Variants in KIF26B observed in about 807,000 individuals in gnomAD.
KIF26B encodes the protein kinesin family member 26B, also known as kinesin-like protein KIF26B.
KIF26B carries 63 observed loss-of-function variants against 151.2 expected under a neutral mutation model. The ratio of observed to expected loss-of-function variants is 0.42; its 90% CI spans 0.34 to 0.51. The LOEUF is 0.51. KIF26B is among the 20% of genes least tolerant of loss of function. The pLI, the probability that KIF26B is intolerant of heterozygous loss-of-function variation, is 0.07. For missense variants in KIF26B, 2,813 were observed against 2,913.6 expected (o/e 0.97, Z 0.79); for synonymous variants, 1,357 against 1,262.1 (o/e 1.08, Z -1.59).
chr1:245,469,562 C>T (rs1352582835), intron 4 of KIF26B, among the ~76,000 whole-genome samples: 1 of 152,162 alleles, frequency 6.6e-6, no homozygotes, highest in Non-Finnish European at 1.5e-5. Flanking sequence ...AATCAGTTAT[C>T]CTTCACTCCA....
intron 3 of KIF26B, among the ~76,000 whole-genome samples, chr1:245,382,533 T>TTGTGTGTG (rs71563746): frequency 6.7e-6 from 1 of 150,004 alleles, no homozygotes; most frequent in African/African-American, 2.4e-5. Flanking sequence ...AAGCACAGGT[T>TTGTGTGTG]TGTGTGTGTG....
chr1:245,388,033 G>A (rs551411715), intron 3 of KIF26B, among the ~76,000 whole-genome samples: 3 of 152,248 alleles, frequency 2.0e-5, no homozygotes, highest in East Asian at 3.9e-4. Context: ...GAAAGTGAGC[G>A]GCAGAGTTGC....
At chr1:245,653,308 T>C (rs1396672829) in intron 10 of KIF26B, among the ~76,000 whole-genome samples, 1 of 152,134 alleles carries the variant, frequency 6.6e-6, no homozygotes, top group African/African-American at 2.4e-5. Context: ...AAGTTCCTAA[T>C]TCGTGGACTT....
At chr1:245,376,883 T>C (rs536474253) in intron 3 of KIF26B, among the ~76,000 whole-genome samples, 263 of 152,118 alleles carry the variant, frequency 1.7e-3, no homozygotes, top group Non-Finnish European at 2.9e-3. Flanking sequence ...AGACAGGGTT[T>C]CACCATGTTG....
At chr1:245,451,585 C>CTTTTTTTATTTTTTT (rs1659392588) in intron 4 of KIF26B, among the ~76,000 whole-genome samples, 1 of 58,740 alleles carries the variant, frequency 1.7e-5, no homozygotes, top group African/African-American at 7.1e-5. Context: ...GAAGATCTAT[C>CTTTTTTTATTTTTTT]TTTTTTTTTT....
intron 2 of KIF26B, among the ~76,000 whole-genome samples, chr1:245,337,545 T>C (rs1444842435): frequency 7.6e-6 from 1 of 130,902 alleles, no homozygotes; most frequent in Non-Finnish European, 1.6e-5. Context: ...TGTGTGTGTG[T>C]GTGTGTGTGT....
intron 4 of KIF26B, among the ~76,000 whole-genome samples, chr1:245,497,868 T>C (rs1035072155): frequency 1.3e-5 from 2 of 152,160 alleles, no homozygotes; most frequent in Non-Finnish European, 2.9e-5. Context: ...CTCAGCCTCC[T>C]GAGTAGCTGG....
At chr1:245,374,372 C>T (rs985179574) in intron 3 of KIF26B, among the ~76,000 whole-genome samples, 4 of 151,488 alleles carry the variant, frequency 2.6e-5, no homozygotes, top group East Asian at 1.9e-4. Context: ...AAAGCAGAAG[C>T]GTGTGTTCTA....
intron 2 of KIF26B, among the ~76,000 whole-genome samples, chr1:245,328,934 A>G (rs1342004631): frequency 3.3e-5 from 5 of 152,104 alleles, no homozygotes; most frequent in African/African-American, 1.2e-4. Flanking sequence ...TCTGTGATTC[A>G]TTGTGTGTTC....
At chr1:245,645,067 A>C (rs1432248601) in intron 9 of KIF26B, among the ~76,000 whole-genome samples, 2 of 152,180 alleles carry the variant, frequency 1.3e-5, no homozygotes, top group African/African-American at 4.8e-5. Flanking sequence ...GCATGAAGTT[A>C]AAGAGCAAGA....
At chr1:245,490,029 C>G (rs961746336) in intron 4 of KIF26B, among the ~76,000 whole-genome samples, 1 of 152,186 alleles carries the variant, frequency 6.6e-6, no homozygotes, top group Non-Finnish European at 1.5e-5. Context: ...GTTCTTTCCA[C>G]GTCCAAAGCC....
chr1:245,249,609 A>G (rs1212497510), intron 2 of KIF26B, among the ~76,000 whole-genome samples: 8 of 147,584 alleles, frequency 5.4e-5, no homozygotes, highest in Non-Finnish European at 1.0e-4. Flanking sequence ...CAGCCTCCCT[A>G]GTAGCTGGGA....
intron 2 of KIF26B, among the ~76,000 whole-genome samples, chr1:245,364,391 G>A (rs1672892231): frequency 6.7e-6 from 1 of 150,280 alleles, no homozygotes; most frequent in Admixed American, 6.6e-5. Context: ...ACTGTGATGT[G>A]CAGACATGAC....
intron 12 of KIF26B, among the ~76,000 whole-genome samples, chr1:245,689,805 G>A (rs1274881388): frequency 1.3e-5 from 2 of 152,082 alleles, no homozygotes; most frequent in East Asian, 1.9e-4. Context: ...TGATCCGCCC[G>A]TCTCAGCCTC....
At chr1:245,462,664 T>C (rs1659676663) in intron 4 of KIF26B, among the ~76,000 whole-genome samples, 1 of 152,182 alleles carries the variant, frequency 6.6e-6, no homozygotes. Flanking sequence ...GTTCCCCTGT[T>C]ACTGAGCACT....
intron 5 of KIF26B, among the ~76,000 whole-genome samples, chr1:245,586,161 GT>G (rs1457002017): frequency 3.0e-5 from 2 of 67,768 alleles, no homozygotes; most frequent in Non-Finnish European, 5.7e-5. Context: ...CATGACCAGT[GT>G]GTGTGTGTGT....
At chr1:245,618,630 C>G (rs557088823) in intron 9 of KIF26B, among the ~76,000 whole-genome samples, 26 of 124,992 alleles carry the variant, frequency 2.1e-4, no homozygotes, top group African/African-American at 6.6e-4. Flanking sequence ...GTGCCACACT[C>G]CTGGGGCTGT....
rs1221308276 is a variant in KIF26B, at chr1:245,419,616, T to C, written c.1037T>C (p.Leu346Pro). ...ATGACAGAGAGTAGCCGGGAGGGAC[T>C]AACAGAAGCAGTGCTGAACCGCTAC... is the stretch of plus-strand genomic sequence containing the variant. ...QLMTESSREG[L>P]TEAVLNRYNA... The change falls in exon 4 of 15, where the codon CTA becomes CCA. Residue 346 changes from leucine to proline, a missense_variant. Around this residue, in one of 3 missense-constraint regions of KIF26B, gnomAD observed 676 missense variants for 688.1 expected, o/e 0.98. Coordinates refer to ENST00000407071, the MANE Select transcript of KIF26B (RefSeq NM_018012.4). 1 of 1,613,392 alleles carries C rather than the reference T, an allele frequency of 6.2e-7. No homozygotes were observed. Among genetic ancestry groups the C allele is most frequent in the Non-Finnish European group, 8.5e-7 (1 of 1,179,628 alleles).
At chr1:245,344,494 C>CAAAAAAAAAAA (rs57007301) in intron 2 of KIF26B, among the ~76,000 whole-genome samples, 14 of 39,980 alleles carry the variant, frequency 3.5e-4, no homozygotes, top group Non-Finnish European at 1.0e-3. Flanking sequence ...GACTCCGTCT[C>CAAAAAAAAAAA]AAAAAAAAAA....
Sources: gnomAD v4.1 joint callset for allele counts (sites outside exome capture counted in the v4.1 genomes callset) on GRCh38, gnomAD v4.1.1 for gene constraint, gnomAD v4.1.1 regional missense constraint, MANE v1.5 for transcripts, NCBI Gene and HGNC (gene_info 2026-07-23, HGNC 2026-07-21) for gene names.